The following CACNA1C variants were observed in gnomAD, a reference collection of about 807,000 sequenced individuals.
The protein encoded by CACNA1C is voltage-dependent L-type calcium channel subunit alpha-1C.
CACNA1C carries 30 observed loss-of-function variants against 229.0 expected under a neutral mutation model. The observed-to-expected ratio is 0.13, with a 90% CI of 0.10 to 0.18. The LOEUF (loss-of-function observed/expected upper bound fraction) is 0.18, where lower values mean the gene tolerates loss of function less well. Ranked by LOEUF, CACNA1C falls within the 10% of genes least tolerant of loss-of-function variation. The probability of loss-of-function intolerance (pLI) is 1.00; values close to 1 mark genes in which losing one functional copy is unlikely to be tolerated. For synonymous variants in CACNA1C, 1,114 were observed against 1,132.5 expected, an observed-to-expected ratio of 0.98 and a Z score of 0.33; for missense variants, 1,658 against 2,845.0, an observed-to-expected ratio of 0.58 and a Z score of 9.49.
chr12:2,010,720 T>G (rs1429555746), intron 1 of CACNA1C: 1 of 152,200 alleles, frequency 6.6e-6, no homozygotes, highest in African/African-American at 2.4e-5. Context: ...CCCTAAGATA[T>G]GAGGAAGCAC....
chr12:2,112,659 G>A (rs530686424), intron 1 of CACNA1C, among the ~76,000 whole-genome samples: 2 of 152,210 alleles, frequency 1.3e-5, no homozygotes, highest in Non-Finnish European at 2.9e-5. Context: ...TTGCGGGACA[G>A]GAGGCAGCTG....
At chr12:2,130,022 T>C (rs2091743256) in intron 3 of CACNA1C, among the ~76,000 whole-genome samples, 1 of 152,142 alleles carries the variant, frequency 6.6e-6, no homozygotes. Flanking sequence ...AAGCCATTTT[T>C]CCCCTTTATT....
Position 2,665,247 on chromosome 12 carries a change from A to G in CACNA1C, c.4398+257A>G, listed in dbSNP as rs1375220445. ...CATTGTCCCAGAGGACAACGGGGACATGTGGGGGCCTAGAAAGAACTGTAC... is the reference window on the plus strand; with the variant it reads ...CATTGTCCCAGAGGACAACGGGGACGTGTGGGGGCCTAGAAAGAACTGTAC... On this transcript the variant is annotated intron_variant, in intron 35 of 46. Transcript: ENST00000399655. The surrounding 1 kb of genome is among the most constrained non-coding windows in gnomAD (Gnocchi z 5.9). Among the ~76,000 whole-genome samples, 11 of 152,220 alleles carry G rather than the reference A, an allele frequency of 7.2e-5. No homozygotes were observed.
intron 1 of CACNA1C, among the ~76,000 whole-genome samples, chr12:2,057,488 C>T (rs2055563290): frequency 6.6e-6 from 1 of 152,148 alleles, no homozygotes; most frequent in Non-Finnish European, 1.5e-5. Context: ...CCTGTTGGGG[C>T]TGTGCTGCTT....
intron 21 of CACNA1C, among the ~76,000 whole-genome samples, chr12:2,598,022 G>C (rs1394587281): frequency 1.3e-5 from 2 of 152,236 alleles, no homozygotes; most frequent in East Asian, 1.9e-4. Flanking sequence ...AGTTGGGGCT[G>C]TGTCACAGTG....
chr12:2,685,982 T>C, intron 44 of CACNA1C, 140 bp downstream of exon 44: 1 of 791,070 alleles, frequency 1.3e-6, no homozygotes, highest in Non-Finnish European at 2.2e-6. Flanking sequence ...GGAGACAACA[T>C]TCCAAAGGCA....
At chr12:2,185,436 C>G (rs1384979404) in intron 3 of CACNA1C, among the ~76,000 whole-genome samples, 2 of 152,226 alleles carry the variant, frequency 1.3e-5, no homozygotes, top group Admixed American at 6.5e-5. Flanking sequence ...TGTTGAAGCC[C>G]TGTCTCCTGT....
In CACNA1C at chr12:2,655,371, C is replaced by T. The variant is rs1374408469; in HGVS notation, c.4232+133C>T. On this transcript the variant is annotated intron_variant, in intron 34 of 46. Transcript: ENST00000399655. ...GAGAGGATGTGTTGCTTGCTCTCTG[C>T]CTGACAAGGAGGCCAGTGGGTCCAT... The T allele has an allele frequency of 6.8e-6, 4 of 592,412 alleles. No homozygotes were observed. The Admixed American group carries it at 1.2e-4, about 18-fold the overall frequency. The allele number at this position is 592,412 out of a possible 1,614,324, so 36.7% of individuals were successfully genotyped here. A position where few individuals can be genotyped will look rare whatever the true frequency, so the allele number is the denominator to read the frequency against.
chr12:2,500,347 GAAGA>G (rs1156392425), intron 7 of CACNA1C, among the ~76,000 whole-genome samples: 2 of 152,226 alleles, frequency 1.3e-5, no homozygotes, highest in Non-Finnish European at 2.9e-5. Flanking sequence ...GTGTGGCGCA[GAAGA>G]AAGGATTCCC....
At chr12:2,473,916 G>T (rs1202570807) in intron 5 of CACNA1C, among the ~76,000 whole-genome samples, 1 of 152,174 alleles carries the variant, frequency 6.6e-6, no homozygotes, top group Non-Finnish European at 1.5e-5. Flanking sequence ...TACATAGAAA[G>T]ATTAGCTTAT....
chr12:2,536,277 C>T (rs1249269630), intron 9 of CACNA1C, among the ~76,000 whole-genome samples: 1 of 152,204 alleles, frequency 6.6e-6, no homozygotes, highest in African/African-American at 2.4e-5. Flanking sequence ...CGGCAAAGAA[C>T]AGGGTGCAAA....
At chr12:2,565,332 T>C (rs574254422) in intron 11 of CACNA1C, among the ~76,000 whole-genome samples, 5 of 151,600 alleles carry the variant, frequency 3.3e-5, no homozygotes, top group Admixed American at 6.6e-5. Flanking sequence ...CCGGGCGCGG[T>C]GGCGGGCGCC....
chr12:2,241,940 T>A (rs924005866), intron 3 of CACNA1C, among the ~76,000 whole-genome samples: 1 of 152,210 alleles, frequency 6.6e-6, no homozygotes, highest in African/African-American at 2.4e-5. Flanking sequence ...TCCTGCTCCC[T>A]GGGCTGGCAC....
Position 2,059,613 on chromosome 12 carries a change from G to T in CACNA1C, c.49+6002G>T, listed in dbSNP as rs150865424. Among the ~76,000 whole-genome samples the T allele has an allele frequency of 2.4e-4, 36 of 152,240 alleles. No individual in the cohort carries two copies. In the East Asian group the frequency reaches 6.9e-3, roughly 29 times the overall value. Reference sequence around the variant, plus strand: ...TGTGCTATACCCTGTGTGTATAGGGGGCAAGGGGCTAGGCTCTGGTTCGTT... The same window carrying T: ...TGTGCTATACCCTGTGTGTATAGGGTGCAAGGGGCTAGGCTCTGGTTCGTT... On this transcript the variant is annotated intron_variant, in intron 1 of 46. Coordinates refer to ENST00000399655, the MANE Select transcript of CACNA1C (RefSeq NM_000719.7).
At chr12:2,115,102 A>C in intron 1 of CACNA1C, 122 bp from the exon 2 acceptor site, 1 of 761,762 alleles carries the variant, frequency 1.3e-6, no homozygotes, top group Non-Finnish European at 2.1e-6. Context: ...GCCACCTCCT[A>C]ACCGCCTGCA....
chr12:2,570,328 T>C (rs1005516323), intron 13 of CACNA1C, among the ~76,000 whole-genome samples: 2 of 152,206 alleles, frequency 1.3e-5, no homozygotes, highest in African/African-American at 4.8e-5. Flanking sequence ...AGCGTGTTTC[T>C]GAGTGTCCCT....
At chr12:2,563,844 C>T (rs904034941) in intron 11 of CACNA1C, among the ~76,000 whole-genome samples, 1 of 152,338 alleles carries the variant, frequency 6.6e-6, no homozygotes, top group Non-Finnish European at 1.5e-5. Context: ...GCACACAGCA[C>T]GGAGCTGTCC....
intron 31 of CACNA1C, among the ~76,000 whole-genome samples, chr12:2,650,737 C>T (rs1053996573): frequency 2.0e-5 from 3 of 152,184 alleles, no homozygotes; most frequent in African/African-American, 7.2e-5. Flanking sequence ...AGCAGCAGCC[C>T]AAGCACCTCC....
In CACNA1C at chr12:2,677,327, T is replaced by C; in HGVS notation, c.4956+106T>C. 7.8e-7 allele frequency: 1 copy of C among 1,285,686 alleles called. No individual in the cohort carries two copies. Among genetic ancestry groups the C allele is most frequent in the Admixed American group, 2.5e-5 (1 of 39,992 alleles). The allele number at this position is 1,285,686 out of a possible 1,614,324, so 79.6% of individuals were successfully genotyped here. A position where few individuals can be genotyped will look rare whatever the true frequency, so the allele number is the denominator to read the frequency against. ...CCCAGCAGGCTGGAGGCCAGGTCCC[T>C]GCAGAGGGAACCTTTCAGAGAGCTC... is the stretch of plus-strand genomic sequence containing the variant. On this transcript the variant is annotated intron_variant, in intron 40 of 46. Transcript: ENST00000399655. The surrounding 1 kb of genome is among the most constrained non-coding windows in gnomAD (Gnocchi z 7.4).
Sources: gnomAD v4.1 joint callset for allele counts (sites outside exome capture counted in the v4.1 genomes callset) on GRCh38, gnomAD v4.1.1 for gene constraint, Gnocchi (gnomAD v3.1) non-coding constraint, MANE v1.5 for transcripts, NCBI Gene and HGNC (gene_info 2026-07-23, HGNC 2026-07-21) for gene names.